The following WDR70 variants were observed in gnomAD, a reference collection of about 807,000 sequenced individuals.
The protein encoded by WDR70 is WD repeat-containing protein 70.
A neutral mutation model predicts 88.6 loss-of-function variants in WDR70; 53 were observed. The observed-to-expected ratio is 0.60, with a 90% CI of 0.48 to 0.75. The LOEUF (loss-of-function observed/expected upper bound fraction) is 0.75. WDR70 is among the 30% of genes least tolerant of loss of function. The pLI is 0.00. For missense variants in WDR70, 610 were observed against 823.2 expected, an observed-to-expected ratio of 0.74 and a Z score of 3.17; for synonymous variants, 280 against 270.0, an observed-to-expected ratio of 1.04 and a Z score of -0.36.
chr5:37,467,638 A>G (rs1444359843), intron 7 of WDR70, among the ~76,000 whole-genome samples: 1 of 150,966 alleles, frequency 6.6e-6, no homozygotes, highest in Admixed American at 6.6e-5. Context: ...CTGGGTTCAC[A>G]CCATTCTCCT....
At chr5:37,632,741 GAAGA>G (rs993749761) in intron 10 of WDR70, among the ~76,000 whole-genome samples, 2 of 152,086 alleles carry the variant, frequency 1.3e-5, no homozygotes, top group Non-Finnish European at 2.9e-5. Context: ...ATTTATTATT[GAAGA>G]AAGAAAAACA....
At chr5:37,564,118 C>CGGGGT (rs1269249030) in intron 9 of WDR70, among the ~76,000 whole-genome samples, 1 of 149,824 alleles carries the variant, frequency 6.7e-6, no homozygotes, top group African/African-American at 2.4e-5. Flanking sequence ...ACTTCCCAGA[C>CGGGGT]GGGGTGGCGG....
intron 7 of WDR70, among the ~76,000 whole-genome samples, chr5:37,459,088 A>G (rs1216378931): frequency 4.4e-5 from 2 of 45,220 alleles, no homozygotes; most frequent in Non-Finnish European, 1.0e-4. Context: ...TTATGTACCC[A>G]GTAGTCATTC....
At chr5:37,634,752 A>G (rs945810132) in intron 10 of WDR70, among the ~76,000 whole-genome samples, 3 of 152,198 alleles carry the variant, frequency 2.0e-5, no homozygotes, top group South Asian at 2.1e-4. Flanking sequence ...ATGTTTGTAT[A>G]TAAGGAATTT....
chr5:37,662,333 A>G (rs1432591165), intron 10 of WDR70, among the ~76,000 whole-genome samples: 1 of 152,222 alleles, frequency 6.6e-6, no homozygotes, highest in East Asian at 1.9e-4. Context: ...AATGTTTTCC[A>G]GGATAAAGGT....
chr5:37,443,788 G>T (rs1738359345), intron 7 of WDR70, among the ~76,000 whole-genome samples: 1 of 152,088 alleles, frequency 6.6e-6, no homozygotes, highest in Non-Finnish European at 1.5e-5. Context: ...AGGGGTGGAG[G>T]TTGCAGTGAG....
intron 8 of WDR70, among the ~76,000 whole-genome samples, chr5:37,509,630 G>A (rs145678299): frequency 3.7e-3 from 558 of 152,162 alleles, no homozygotes; most frequent in Middle Eastern, 6.8e-3. Context: ...CACTTGTAAG[G>A]AATGTGTACT....
chr5:37,695,038 T>C (rs1746941369), intron 10 of WDR70, among the ~76,000 whole-genome samples: 1 of 152,146 alleles, frequency 6.6e-6, no homozygotes, highest in South Asian at 2.1e-4. Flanking sequence ...TGGCTCATGG[T>C]TCTGCAGGCT....
chr5:37,480,078 G>T (rs906991605), intron 8 of WDR70, 91 bp downstream of exon 8: 16 of 1,469,480 alleles, frequency 1.1e-5, no homozygotes, highest in Non-Finnish European at 1.5e-5. Context: ...TTCCCCAAAA[G>T]TTAGTGTCAT....
rs550971218 is a variant in WDR70 at position 37,492,857 on chromosome 5, A to G, written c.840+12870A>G. 3.3e-5 allele frequency among the ~76,000 whole-genome samples: 5 copies of G among 152,324 alleles called. No individual in the cohort carries two copies. The East Asian group carries it at 9.7e-4, about 29-fold the overall frequency. On this transcript the variant is annotated intron_variant, in intron 8 of 17. Transcript: ENST00000265107. ...ACAAAGGATGCTAACATATAGCAAT[A>G]ACTTCTGAAAGCATGGTATGGAGAA...
intron 8 of WDR70, among the ~76,000 whole-genome samples, chr5:37,488,625 T>A (rs528304199): frequency 8.5e-5 from 13 of 152,198 alleles, no homozygotes; most frequent in Admixed American, 7.2e-4. Flanking sequence ...TTTCGTTTAT[T>A]GAATTATTCT....
At chr5:37,703,968 T>TA (rs1164433088) in intron 13 of WDR70, among the ~76,000 whole-genome samples, 1 of 152,234 alleles carries the variant, frequency 6.6e-6, no homozygotes, top group African/African-American at 2.4e-5. Context: ...ATTATGCACT[T>TA]ACGTGACTCA....
intron 9 of WDR70, among the ~76,000 whole-genome samples, chr5:37,603,963 A>G (rs1366871540): frequency 6.6e-6 from 1 of 152,170 alleles, no homozygotes; most frequent in African/African-American, 2.4e-5. Flanking sequence ...CATACATTTT[A>G]CTTGGACATG....
chr5:37,502,554 G>A (rs947087005), intron 8 of WDR70, among the ~76,000 whole-genome samples: 7 of 152,088 alleles, frequency 4.6e-5, no homozygotes, highest in Non-Finnish European at 7.4e-5. Context: ...TAATCATATG[G>A]TTTTTGTTTT....
rs374281450 is a variant in WDR70 at position 37,379,474 on chromosome 5, T to A, written c.26-15T>A. 1 of 1,613,944 alleles carries A rather than the reference T, an allele frequency of 6.2e-7. No individual in the cohort carries two copies. The highest frequency in any genetic ancestry group is 8.5e-7 in the Non-Finnish European group (1 of 1,179,866). On this transcript the variant is annotated splice_polypyrimidine_tract_variant and intron_variant, in intron 1 of 17. Coordinates refer to ENST00000265107, the MANE Select transcript of WDR70 (RefSeq NM_018034.4). ...CCGCACTAACTAGGCCGCCTCTCTT[T>A]TCCTCTTGCTCCAGTGACAGGCTCA...
intron 10 of WDR70, among the ~76,000 whole-genome samples, chr5:37,634,191 C>G (rs1384057202): frequency 6.6e-6 from 1 of 151,154 alleles, no homozygotes; most frequent in African/African-American, 2.4e-5. Context: ...CCCAGCTACT[C>G]GGGAGGCTGA....
chr5:37,653,346 A>T (rs1250890842), intron 10 of WDR70, among the ~76,000 whole-genome samples: 1 of 152,106 alleles, frequency 6.6e-6, no homozygotes, highest in South Asian at 2.1e-4. Flanking sequence ...GTTTGCCAGT[A>T]TTTTATTAAG....
intron 10 of WDR70, among the ~76,000 whole-genome samples, chr5:37,689,440 G>C (rs1437953433): frequency 6.6e-6 from 1 of 152,152 alleles, no homozygotes; most frequent in Non-Finnish European, 1.5e-5. Flanking sequence ...AGTAGGGGCC[G>C]ACAGACACCT....
intron 9 of WDR70, among the ~76,000 whole-genome samples, chr5:37,548,149 T>G (rs1168327028): frequency 1.3e-5 from 2 of 152,236 alleles, no homozygotes. Flanking sequence ...TTCCTTTCTT[T>G]TGGGTATGTA....
Sources: gnomAD v4.1 joint callset for allele counts (sites outside exome capture counted in the v4.1 genomes callset) on GRCh38, gnomAD v4.1.1 for gene constraint, MANE v1.5 for transcripts, NCBI Gene and HGNC (gene_info 2026-07-23, HGNC 2026-07-21) for gene names.